NPAS2: variants seen among roughly 807,000 people sequenced by gnomAD.
NPAS2 encodes neuronal PAS domain-containing protein 2.
A neutral mutation model predicts 107.5 loss-of-function variants in NPAS2; 23 were observed. The ratio of observed to expected loss-of-function variants is 0.21; its 90% confidence interval spans 0.15 to 0.30. The LOEUF (loss-of-function observed/expected upper bound fraction) is 0.30, where lower values mean the gene tolerates loss of function less well. Ranked by LOEUF, NPAS2 falls within the 10% of genes least tolerant of loss-of-function variation. NPAS2 has a pLI of 1.00. For synonymous variants in NPAS2, 403 were observed against 417.5 expected (o/e 0.97, Z 0.42); for missense variants, 756 against 1,043.3 (o/e 0.72, Z 3.79).
chr2:100,882,011 C>T (rs575749686), intron 1 of NPAS2, among the ~76,000 whole-genome samples: 35 of 152,352 alleles, frequency 2.3e-4, no homozygotes, highest in Non-Finnish European at 4.3e-4. Flanking sequence ...GGGGAGACCC[C>T]GTGCCTCAGC....
rs1417693244 is a variant in NPAS2 at position 100,909,596 on chromosome 2, G to A, written c.32+4810G>A. 3.3e-5 allele frequency among the ~76,000 whole-genome samples: 5 copies of A among 152,194 alleles called. No individual in the cohort carries two copies. The East Asian group carries it at 9.6e-4, about 29-fold the overall frequency. On this transcript the variant is annotated intron_variant, in intron 2 of 20. Transcript: ENST00000335681. ...GGCCCTCAGCATTGGACAGTGGGCT[G>A]ATGCTCCCAGCTGGAGCCTGTCGTG...
At chr2:100,979,502 A>ATTT (rs757799235) in intron 15 of NPAS2, among the ~76,000 whole-genome samples, 22 of 43,340 alleles carry the variant, frequency 5.1e-4, no homozygotes, top group South Asian at 8.5e-4. Flanking sequence ...ATATATATAT[A>ATTT]TTTTTTTTTT....
At chr2:100,990,627 G>A (rs931616283) in intron 18 of NPAS2, among the ~76,000 whole-genome samples, 153 bp from the exon 19 acceptor site, 6 of 152,192 alleles carry the variant, frequency 3.9e-5, no homozygotes, top group Non-Finnish European at 7.3e-5. Context: ...GAGGTTACCC[G>A]CTGCGTCCAT....
chr2:100,881,579 G>A (rs1284904497), intron 1 of NPAS2, among the ~76,000 whole-genome samples: 1 of 152,120 alleles, frequency 6.6e-6, no homozygotes, highest in Non-Finnish European at 1.5e-5. Context: ...CCAGCTACTC[G>A]GAAGGCTGAG....
chr2:100,846,149 C>T (rs1452108001), intron 1 of NPAS2, among the ~76,000 whole-genome samples: 1 of 152,164 alleles, frequency 6.6e-6, no homozygotes, highest in South Asian at 2.1e-4. Context: ...ATGCCCCTCC[C>T]CCATGGTTTT....
intron 2 of NPAS2, among the ~76,000 whole-genome samples, chr2:100,914,799 TC>T (rs992767736): frequency 6.6e-6 from 1 of 152,220 alleles, no homozygotes; most frequent in Non-Finnish European, 1.5e-5. Flanking sequence ...CTCCGTCCTG[TC>T]CATCACACTG....
intron 13 of NPAS2, 145 bp downstream of exon 13, chr2:100,975,089 T>C (rs1573769168): frequency 1.3e-6 from 1 of 778,764 alleles, no homozygotes; most frequent in East Asian, 2.7e-5. Flanking sequence ...CTCCTTTCCT[T>C]TCCCAGACTT....
intron 1 of NPAS2, among the ~76,000 whole-genome samples, chr2:100,844,245 C>T (rs1677631681): frequency 6.6e-6 from 1 of 152,116 alleles, no homozygotes; most frequent in South Asian, 2.1e-4. Context: ...TGAAGGGGGA[C>T]TCCATGGGGT....
At chr2:100,971,412 C>T (rs528855881) in intron 12 of NPAS2, among the ~76,000 whole-genome samples, 63 of 152,240 alleles carry the variant, frequency 4.1e-4, no homozygotes, top group African/African-American at 1.3e-3. Context: ...TGAGTCCACT[C>T]GGCATCTCCT....
chr2:100,877,143 A>G (rs1485376935), intron 1 of NPAS2, among the ~76,000 whole-genome samples: 1 of 152,140 alleles, frequency 6.6e-6, no homozygotes, highest in African/African-American at 2.4e-5. Context: ...GGGCAGTGTG[A>G]TCTCCTCCTG....
chr2:100,867,851 T>C (rs1196031815), intron 1 of NPAS2, among the ~76,000 whole-genome samples: 1 of 152,140 alleles, frequency 6.6e-6, no homozygotes, highest in East Asian at 1.9e-4. Context: ...GAAGTACTTA[T>C]TTATTTTTAA....
intron 1 of NPAS2, among the ~76,000 whole-genome samples, chr2:100,895,235 T>C (rs554090761): frequency 1.3e-5 from 2 of 152,336 alleles, no homozygotes; most frequent in South Asian, 2.1e-4. Flanking sequence ...TCATTAGTGA[T>C]AGTGTGATTA....
At chr2:100,955,201 T>G (rs146600637) in intron 7 of NPAS2, among the ~76,000 whole-genome samples, 234 of 152,348 alleles carry the variant, frequency 1.5e-3, no homozygotes, top group African/African-American at 5.3e-3. Context: ...CCTTGGTCCA[T>G]TACTGTGAAA....
At chr2:100,882,420 T>C (rs548078329) in intron 1 of NPAS2, among the ~76,000 whole-genome samples, 60 of 152,228 alleles carry the variant, frequency 3.9e-4, no homozygotes, top group East Asian at 1.2e-3. Flanking sequence ...CCATCCTGGC[T>C]AACACAGTGA....
At chr2:100,839,570 A>G (rs890460200) in intron 1 of NPAS2, among the ~76,000 whole-genome samples, 3 of 152,148 alleles carry the variant, frequency 2.0e-5, no homozygotes, top group Non-Finnish European at 2.9e-5. Context: ...TATAAATGAA[A>G]TACGTGTTAA....
At chr2:100,882,570 A>G (rs1030596658) in intron 1 of NPAS2, among the ~76,000 whole-genome samples, 3 of 152,202 alleles carry the variant, frequency 2.0e-5, no homozygotes, top group Non-Finnish European at 4.4e-5. Flanking sequence ...CCGAGATCGC[A>G]CCACTGCGCT....
At chr2:100,958,712 A>G (rs1043115987) in intron 7 of NPAS2, among the ~76,000 whole-genome samples, 2 of 152,156 alleles carry the variant, frequency 1.3e-5, no homozygotes, top group African/African-American at 4.8e-5. Flanking sequence ...GACCTTTCAT[A>G]CAAGTTGTCC....
chr2:100,938,141 A>G (rs1684455299), intron 5 of NPAS2, among the ~76,000 whole-genome samples: 1 of 152,218 alleles, frequency 6.6e-6, no homozygotes, highest in Non-Finnish European at 1.5e-5. Context: ...AGAGAGTCAC[A>G]GCACTGTTAG....
In NPAS2 at chr2:100,937,053, A is replaced by G. The variant is rs578151392; in HGVS notation, c.274-700A>G. ...AGAAAGCATTGCCCACCTTCAACCT[A>G]TTATATCACAAGCACCCAGGACAGT... is the stretch of plus-strand genomic sequence containing the variant. On this transcript the variant is annotated intron_variant, in intron 4 of 20. Coordinates refer to ENST00000335681, the MANE Select transcript of NPAS2 (RefSeq NM_002518.4). 2.6e-5 allele frequency among the ~76,000 whole-genome samples: 4 copies of G among 151,718 alleles called. No individual in the cohort carries two copies. In the South Asian group the frequency reaches 6.2e-4, roughly 24 times the overall value.
Sources: gnomAD v4.1 joint callset for allele counts (sites outside exome capture counted in the v4.1 genomes callset) on GRCh38, gnomAD v4.1.1 for gene constraint, MANE v1.5 for transcripts, NCBI Gene and HGNC (gene_info 2026-07-23, HGNC 2026-07-21) for gene names.